Variants in USP32 observed in about 807,000 individuals in gnomAD.
USP32 encodes the protein ubiquitin carboxyl-terminal hydrolase 32.
Under a neutral mutation model 204.8 loss-of-function variants are expected in USP32, and 59 were observed. That is an observed-to-expected ratio of 0.29 (90% CI 0.23 to 0.36). The LOEUF (loss-of-function observed/expected upper bound fraction) is 0.36. USP32 is among the 10% of genes least tolerant of loss of function. The probability of loss-of-function intolerance (pLI) is 1.00; values close to 1 mark genes in which losing one functional copy is unlikely to be tolerated. For missense variants in USP32, 1,160 were observed against 1,946.4 expected (o/e 0.60, Z 7.60); for synonymous variants, 517 against 678.4 (o/e 0.76, Z 3.70).
chr17:60,365,079 GAA>G (rs1487944039), intron 1 of USP32, among the ~76,000 whole-genome samples: 2 of 152,114 alleles, frequency 1.3e-5, no homozygotes, highest in African/African-American at 2.4e-5. Flanking sequence ...TTCAAAAAGG[GAA>G]AGTTTTTTTT....
intron 1 of USP32, among the ~76,000 whole-genome samples, chr17:60,404,797 A>C (rs1202032077): frequency 6.6e-6 from 1 of 152,194 alleles, no homozygotes; most frequent in African/African-American, 2.4e-5. Context: ...TGAAAAGGAC[A>C]CTTAAATAGA....
chr17:60,303,795 T>C (rs1172247044), intron 2 of USP32, among the ~76,000 whole-genome samples: 1 of 152,086 alleles, frequency 6.6e-6, no homozygotes, highest in Non-Finnish European at 1.5e-5. Flanking sequence ...GTTTGAAGAA[T>C]GCTTTGGAAT....
chr17:60,231,535 A>C, intron 12 of USP32: 2 of 514,442 alleles, frequency 3.9e-6, no homozygotes, highest in South Asian at 2.8e-5. Context: ...AGGCAGGAAA[A>C]CAAGGCTGCC....
chr17:60,379,307 G>A (rs2089606996), intron 1 of USP32, among the ~76,000 whole-genome samples: 1 of 152,122 alleles, frequency 6.6e-6, no homozygotes, highest in South Asian at 2.1e-4. Context: ...AACTGTGAAG[G>A]ACTTAGTAAA....
rs750393341 is a variant in USP32 at position 60,181,423 on chromosome 17, G to A, written c.4449C>T (p.Tyr1483=). The A allele has an allele frequency of 2.5e-6, 4 of 1,613,974 alleles. No homozygotes were observed. In the South Asian group the frequency reaches 3.3e-5, roughly 13 times the overall value. The change falls in exon 32 of 34, where the codon TAC becomes TAT. Residue 1483 remains tyrosine, a synonymous_variant. Transcript: ENST00000300896. The part of the protein sequence containing the change: ...LYEHEACGNG[Y]SNGQLGNHSE... ...TGTGGTTTCCAAGCTGACCATTGCT[G>A]TAGCCATTGCCACATGCTTCATGCT...
chr17:60,204,936 C>T (rs566819872), intron 26 of USP32, among the ~76,000 whole-genome samples: 21 of 150,234 alleles, frequency 1.4e-4, no homozygotes, highest in South Asian at 6.3e-4. Context: ...ATCATGGCTG[C>T]TTAGTTAAAA....
At chr17:60,341,974 A>C (rs950500605) in intron 2 of USP32, among the ~76,000 whole-genome samples, 3 of 152,010 alleles carry the variant, frequency 2.0e-5, no homozygotes, top group Admixed American at 2.0e-4. Context: ...CCTTTGGAGG[A>C]GATGAGGTAC....
chr17:60,383,382 C>T (rs754539361), intron 1 of USP32, among the ~76,000 whole-genome samples: 1 of 152,140 alleles, frequency 6.6e-6, no homozygotes, highest in Non-Finnish European at 1.5e-5. Context: ...CTCTCCACAA[C>T]TTCTCTCCAT....
chr17:60,308,181 C>A (rs145653296), intron 2 of USP32, among the ~76,000 whole-genome samples: 3 of 152,144 alleles, frequency 2.0e-5, no homozygotes, highest in African/African-American at 4.8e-5. Context: ...GGCAAGAATC[C>A]GGGATACAGA....
intron 2 of USP32, among the ~76,000 whole-genome samples, chr17:60,333,690 AGAG>A (rs2088445333): frequency 6.7e-6 from 1 of 149,728 alleles, no homozygotes; most frequent in Admixed American, 6.7e-5. Flanking sequence ...GGGAAAGAAA[AGAG>A]AGGAGAGGAG....
rs554364711 is a variant in USP32 at position 60,403,660 on chromosome 17, G to A, written c.106+18586C>T. Among the ~76,000 whole-genome samples the A allele has an allele frequency of 6.6e-5, 10 of 152,210 alleles. No individual in the cohort carries two copies. In the South Asian group the frequency reaches 2.1e-3, roughly 32 times the overall value. On this transcript the variant is annotated intron_variant, in intron 1 of 3. Coordinates refer to the USP32 transcript ENST00000588898. The stretch of plus-strand genomic sequence containing the variant: ...ACAATGAGTTTATTTAAGGAAAGGG[G>A]GTCGTGATGTATTGAACTTACTTTT...
intron 5 of USP32, among the ~76,000 whole-genome samples, chr17:60,282,432 C>T (rs149923051): frequency 1.3e-5 from 2 of 152,266 alleles, no homozygotes; most frequent in African/African-American, 4.8e-5. Context: ...CGGCTCACTG[C>T]AACCTCTGCC....
intron 16 of USP32, 66 bp from the exon 17 acceptor site, chr17:60,214,840 T>C: frequency 1.9e-6 from 3 of 1,604,784 alleles, no homozygotes; most frequent in Non-Finnish European, 2.6e-6. Context: ...CTCTCAGCAA[T>C]GGGGACCATA....
chr17:60,288,472 T>TTA (rs1321741983), intron 5 of USP32, 51 bp downstream of exon 5: 61 of 1,540,098 alleles, frequency 4.0e-5, no homozygotes, highest in Non-Finnish European at 5.1e-5. Flanking sequence ...TACCAGCCAA[T>TTA]TATATATATA....
intron 2 of USP32, among the ~76,000 whole-genome samples, chr17:60,339,888 T>A (rs2088618193): frequency 6.6e-6 from 1 of 152,210 alleles, no homozygotes. Context: ...ATGTTATTAC[T>A]TTTACTATTA....
chr17:60,226,685 T>C (rs1172954031), intron 12 of USP32, among the ~76,000 whole-genome samples: 1 of 152,202 alleles, frequency 6.6e-6, no homozygotes, highest in East Asian at 1.9e-4. Context: ...TGTGTTTTAG[T>C]TCTTATGACT....
intron 13 of USP32, 76 bp downstream of exon 13, chr17:60,225,963 A>G: frequency 6.9e-7 from 1 of 1,454,616 alleles, no homozygotes; most frequent in East Asian, 2.5e-5. Context: ...AAAAAAAAAA[A>G]AAAAAAAGAA....
intron 11 of USP32, among the ~76,000 whole-genome samples, chr17:60,251,040 T>G (rs1350895783): frequency 6.6e-6 from 1 of 151,604 alleles, no homozygotes; most frequent in Non-Finnish European, 1.5e-5. Flanking sequence ...CCTCCTGGGC[T>G]CAAGCAATCC....
rs180894014 is a variant in USP32 at position 60,180,511 on chromosome 17, T to C, written c.4641+34A>G. 51 of 1,600,890 alleles carry C rather than the reference T, an allele frequency of 3.2e-5. No homozygotes were observed. The Middle Eastern group carries it at 8.3e-4, about 26-fold the overall frequency. On this transcript the variant is annotated intron_variant, in intron 33 of 33. Transcript: ENST00000300896. ...TTCCCCAGTTCTGTTGATATTCTGT[T>C]TCTAACTTTCATTCAAAGACTGAGA...
Sources: allele counts gnomAD v4.1 joint callset (sites outside exome capture counted in the v4.1 genomes callset), GRCh38; gene constraint gnomAD v4.1.1; transcripts MANE v1.5; gene names NCBI Gene and HGNC (gene_info 2026-07-23, HGNC 2026-07-21).